Variants in MYRIP observed in about 807,000 individuals in gnomAD.
MYRIP encodes the protein rab effector MyRIP.
Under a neutral mutation model 98.0 loss-of-function variants are expected in MYRIP, and 49 were observed. That is an observed-to-expected ratio of 0.50 (90% CI 0.40 to 0.63). The LOEUF (loss-of-function observed/expected upper bound fraction) is 0.63. Among genes scored for constraint, MYRIP ranks in the 30% least tolerant of loss-of-function variants. The pLI is 0.00. For missense variants in MYRIP, 1,004 were observed against 1,058.2 expected (o/e 0.95, Z 0.71); for synonymous variants, 404 against 409.5 (o/e 0.99, Z 0.16).
chr3:40,068,965 C>G (rs932092954), intron 3 of MYRIP, among the ~76,000 whole-genome samples: 8 of 152,204 alleles, frequency 5.3e-5, no homozygotes, highest in African/African-American at 1.9e-4. Flanking sequence ...AAAACCCAGG[C>G]ACAGCCCCAT....
At chr3:39,813,830 C>T (rs1940781101) in intron 1 of MYRIP, among the ~76,000 whole-genome samples, 1 of 152,200 alleles carries the variant, frequency 6.6e-6, no homozygotes, top group African/African-American at 2.4e-5. Flanking sequence ...TGGGACTCAG[C>T]GTGCCTACTA....
At chr3:39,815,390 A>T (rs2125565084) in intron 1 of MYRIP, among the ~76,000 whole-genome samples, 1 of 152,044 alleles carries the variant, frequency 6.6e-6, no homozygotes, top group African/African-American at 2.4e-5. Context: ...GGTGTATTTC[A>T]TCATATATAT....
chr3:40,207,186 A>G (rs1951810973), intron 10 of MYRIP, among the ~76,000 whole-genome samples: 1 of 151,890 alleles, frequency 6.6e-6, no homozygotes, highest in African/African-American at 2.4e-5. Flanking sequence ...CTGGCTCCCC[A>G]CTCTCTCCAC....
intron 2 of MYRIP, 143 bp from the exon 3 acceptor site, chr3:40,043,907 T>G (rs1947605711): frequency 3.0e-6 from 2 of 657,594 alleles, no homozygotes; most frequent in African/African-American, 1.8e-5. Flanking sequence ...CAGTTGATCT[T>G]TCTGAGTTCT....
intron 13 of MYRIP, among the ~76,000 whole-genome samples, chr3:40,247,132 T>C (rs1486782071): frequency 6.6e-6 from 1 of 152,220 alleles, no homozygotes; most frequent in Non-Finnish European, 1.5e-5. Context: ...GAGGATTTTA[T>C]TGGATAATTA....
intron 11 of MYRIP, among the ~76,000 whole-genome samples, chr3:40,214,807 C>A (rs1330844821): frequency 6.6e-6 from 1 of 152,124 alleles, no homozygotes; most frequent in Non-Finnish European, 1.5e-5. Flanking sequence ...TAAAGTGGTT[C>A]TTTTTGCCTC....
chr3:40,189,231 T>G (rs1284481451), intron 9 of MYRIP, among the ~76,000 whole-genome samples: 1 of 152,240 alleles, frequency 6.6e-6, no homozygotes, highest in African/African-American at 2.4e-5. Flanking sequence ...AAAATGACAT[T>G]GGAAATACCA....
rs557989295 is a variant in MYRIP at position 39,989,657 on chromosome 3, C to T, written c.111-54393C>T. 5.4e-3 allele frequency among the ~76,000 whole-genome samples: 613 copies of T among 114,174 alleles called. 4 individuals carry two copies. Among genetic ancestry groups the T allele is most frequent in the Middle Eastern group, 0.021 (5 of 238 alleles). The allele number at this position is 114,174 out of a possible 152,430, so 74.9% of individuals were successfully genotyped here. ...ACTGGTCTGCAGAGACTGCAGCCAC[C>T]CCTCCCGCTAGGGCTCAGGCCCAGG... On this transcript the variant is annotated intron_variant, in intron 2 of 16. Coordinates refer to ENST00000302541, the MANE Select transcript of MYRIP (RefSeq NM_015460.4).
At chr3:39,856,844 A>G (rs1366380508) in intron 1 of MYRIP, among the ~76,000 whole-genome samples, 5 of 152,236 alleles carry the variant, frequency 3.3e-5, no homozygotes, top group Non-Finnish European at 5.9e-5. Flanking sequence ...TGATGTAAGG[A>G]TATGAGGTTC....
intron 4 of MYRIP, among the ~76,000 whole-genome samples, chr3:40,155,822 C>T (rs1169354101): frequency 6.6e-6 from 1 of 152,022 alleles, no homozygotes; most frequent in African/African-American, 2.4e-5. Flanking sequence ...GTCCTTTGAC[C>T]ACTTTTTGAT....
chr3:39,879,851 T>C (rs1943114226), intron 1 of MYRIP, among the ~76,000 whole-genome samples: 1 of 152,052 alleles, frequency 6.6e-6, no homozygotes, highest in African/African-American at 2.4e-5. Context: ...TGTAGGTAGA[T>C]TTTTTAGCTC....
rs201684188 is a variant in MYRIP at position 40,084,638 on chromosome 3, T to C, written c.332+40367T>C. Among the ~76,000 whole-genome samples the C allele has an allele frequency of 5.2e-3, 435 of 84,086 alleles. 3 individuals carry two copies. Among genetic ancestry groups the C allele is most frequent in the African/African-American group, 0.014 (392 of 27,116 alleles). The allele number at this position is 84,086 out of a possible 152,430, so 55.2% of individuals were successfully genotyped here. A position where few individuals can be genotyped will look rare whatever the true frequency, so the allele number is the denominator to read the frequency against. ...ATAGATAATACACATCTATGTATTA[T>C]ATATCGATAATACACATCTATGTAT... On this transcript the variant is annotated intron_variant, in intron 3 of 16. Transcript: ENST00000302541.
In MYRIP at chr3:40,044,179, G is replaced by T. The variant is rs779965268; in HGVS notation, c.240G>T (p.Gln80His). 15 of 1,614,090 alleles carry T rather than the reference G, an allele frequency of 9.3e-6. No homozygotes were observed. Among genetic ancestry groups the T allele is most frequent in the South Asian group, 6.6e-5 (6 of 91,080 alleles). ...CCTTCCTCGTCAACACCAAGCGCCA[G>T]TGTGGAGATTGCAAATTCAATGTCT... ...PFTFLVNTKR[Q>H]CGDCKFNVCK... Residue 80 changes from glutamine to histidine, a missense_variant, in exon 3 of 17, where the codon CAG becomes CAT. Gln to His is a conservative substitution (Grantham distance 24). Coordinates refer to ENST00000302541, the MANE Select transcript of MYRIP (RefSeq NM_015460.4).
rs78959518 is a variant in MYRIP, at chr3:39,866,275, C to T, written c.-30-34512C>T. On this transcript the variant is annotated intron_variant, in intron 1 of 16. Coordinates refer to ENST00000302541, the MANE Select transcript of MYRIP (RefSeq NM_015460.4). ...GTGGTGAAATAATCTATACACCAAA[C>T]GCCCATGACACATAATTTACCTGTA... 8.6e-3 allele frequency among the ~76,000 whole-genome samples: 1,314 copies of T among 152,126 alleles called. 44 individuals carry two copies. The highest frequency in any genetic ancestry group is 0.065 in the Admixed American group (995 of 15,272).
intron 1 of MYRIP, among the ~76,000 whole-genome samples, chr3:39,827,579 T>G (rs1941307798): frequency 6.6e-6 from 1 of 152,252 alleles, no homozygotes; most frequent in Non-Finnish European, 1.5e-5. Flanking sequence ...CCTCTGTTAT[T>G]ACTTTTGTTG....
rs985093063 is a variant in MYRIP at position 40,083,072 on chromosome 3, A to G, written c.332+38801A>G. Among the ~76,000 whole-genome samples the G allele has an allele frequency of 5.3e-5, 8 of 152,360 alleles. No individual in the cohort carries two copies. In the South Asian group the frequency reaches 1.2e-3, roughly 24 times the overall value. ...CTAGCTCATGAGGGAGCTCACAGGA[A>G]TTTAGTCATTCATTCAACACCTATT... On this transcript the variant is annotated intron_variant, in intron 3 of 16. Coordinates refer to ENST00000302541, the MANE Select transcript of MYRIP (RefSeq NM_015460.4).
At chr3:40,139,771 G>A (rs1409890242) in intron 3 of MYRIP, among the ~76,000 whole-genome samples, 1 of 152,036 alleles carries the variant, frequency 6.6e-6, no homozygotes, top group Admixed American at 6.6e-5. Flanking sequence ...GTAGAGATGA[G>A]GTTTTGTCAT....
intron 9 of MYRIP, among the ~76,000 whole-genome samples, chr3:40,184,955 G>A (rs1266283227): frequency 6.6e-6 from 1 of 152,178 alleles, no homozygotes; most frequent in East Asian, 1.9e-4. Flanking sequence ...GTTTTCTGAG[G>A]AATTTTTAGC....
intron 2 of MYRIP, among the ~76,000 whole-genome samples, chr3:39,931,608 C>A (rs529526402): frequency 6.6e-6 from 1 of 152,214 alleles, no homozygotes; most frequent in Middle Eastern, 3.4e-3. Context: ...GGGGGGAAAG[C>A]ATTCAGTCTT....
Sources: gnomAD v4.1 joint callset for allele counts (sites outside exome capture counted in the v4.1 genomes callset) on GRCh38, gnomAD v4.1.1 for gene constraint, MANE v1.5 for transcripts, NCBI Gene and HGNC (gene_info 2026-07-23, HGNC 2026-07-21) for gene names.